Variants in SEPTIN9 observed in about 807,000 individuals in gnomAD.
The protein encoded by SEPTIN9 is septin-9.
SEPTIN9 carries 13 observed loss-of-function variants against 56.6 expected under a neutral mutation model. The ratio of observed to expected loss-of-function variants is 0.23; its 90% CI spans 0.15 to 0.37. The LOEUF (loss-of-function observed/expected upper bound fraction) is 0.37. Among genes scored for constraint, SEPTIN9 ranks in the 10% least tolerant of loss-of-function variants. The pLI is 1.00. For synonymous variants in SEPTIN9, 332 were observed against 334.1 expected (o/e 0.99, Z 0.07); for missense variants, 650 against 823.1 (o/e 0.79, Z 2.57).
rs1009162127 is a variant in SEPTIN9 at position 77,499,302 on chromosome 17, T to C, written c.*644T>C. On this transcript the variant is annotated 3_prime_UTR_variant, in exon 12 of 12. Coordinates refer to ENST00000427177, the MANE Select transcript of SEPTIN9 (RefSeq NM_001113491.2). Reference sequence around the variant, plus strand: ...GCAGAAAGTGCCTTTATCTCAGCCATCCGCAGACTGCTTGGCCAGATGCGG... The same window carrying C: ...GCAGAAAGTGCCTTTATCTCAGCCACCCGCAGACTGCTTGGCCAGATGCGG... 1.7e-6 allele frequency: 1 copy of C among 597,744 alleles called. No homozygotes were observed. Among genetic ancestry groups the C allele is most frequent in the Non-Finnish European group, 3.2e-6 (1 of 308,986 alleles). The allele number at this position is 597,744 out of a possible 1,614,324, so 37.0% of individuals were successfully genotyped here.
Position 77,437,350 on chromosome 17 carries a change from C to T in SEPTIN9, c.721+34647C>T, listed in dbSNP as rs1346489095. Among the ~76,000 whole-genome samples, 3 of 152,196 alleles carry T rather than the reference C, an allele frequency of 2.0e-5. No homozygotes were observed. The highest frequency in any genetic ancestry group is 2.9e-5 in the Non-Finnish European group (2 of 68,024). On this transcript the variant is annotated intron_variant, in intron 3 of 11. Coordinates refer to ENST00000427177, the MANE Select transcript of SEPTIN9 (RefSeq NM_001113491.2). The surrounding 1 kb of genome is among the most constrained non-coding windows in gnomAD (Gnocchi z 5.3). ...GACCCCTCCCTTCTACACCCCCACC[C>T]CACGCCCCCAGGAGCTCCCTATGGG...
intron 3 of SEPTIN9, among the ~76,000 whole-genome samples, chr17:77,426,720 A>C (rs1232309939): frequency 6.6e-6 from 1 of 152,190 alleles, no homozygotes; most frequent in African/African-American, 2.4e-5. Context: ...CAGCCCTCCC[A>C]TGCCTGTGGG....
intron 3 of SEPTIN9, among the ~76,000 whole-genome samples, chr17:77,430,638 A>C (rs1368638763): frequency 6.6e-6 from 1 of 152,168 alleles, no homozygotes; most frequent in African/African-American, 2.4e-5. Flanking sequence ...GCCGGCTGAC[A>C]GCTCACTGGA....
intron 2 of SEPTIN9, among the ~76,000 whole-genome samples, chr17:77,350,268 CT>C (rs1221916217): frequency 1.3e-5 from 2 of 152,240 alleles, no homozygotes; most frequent in East Asian, 1.9e-4. Flanking sequence ...GCCCTCCTTC[CT>C]GTGCAGCCCA....
chr17:77,285,349 T>G (rs1349000195), intron 1 of SEPTIN9, among the ~76,000 whole-genome samples: 3 of 152,154 alleles, frequency 2.0e-5, no homozygotes, highest in African/African-American at 7.2e-5. Context: ...GGGACTGAGG[T>G]TGCGTCACAC....
intron 1 of SEPTIN9, among the ~76,000 whole-genome samples, chr17:77,298,340 G>A (rs534972304): frequency 1.3e-5 from 2 of 152,358 alleles, no homozygotes; most frequent in South Asian, 2.1e-4. Flanking sequence ...CCAGGTCAAT[G>A]TAGTGAGAGC....
At chr17:77,350,398 A>G (rs1042645903) in intron 2 of SEPTIN9, among the ~76,000 whole-genome samples, 37 of 152,220 alleles carry the variant, frequency 2.4e-4, no homozygotes, top group African/African-American at 7.7e-4. Flanking sequence ...CTGGGGGGCT[A>G]CCAGTGGCAT....
rs2032866591 is a variant in SEPTIN9 at position 77,320,360 on chromosome 17, GC to G, written c.76+13168del. 2 of 1,610,344 alleles carry G rather than the reference GC, an allele frequency of 1.2e-6. No homozygotes were observed. The highest frequency in any genetic ancestry group is 1.3e-5 in the African/African-American group (1 of 74,874). On this transcript the variant is annotated intron_variant, in intron 2 of 11. Transcript: ENST00000427177. ...GGACCGGATCTCAGGTACGCAGACA[GC>G]CCCCTCCCCATCGGCCGCCCCCCAC...
intron 2 of SEPTIN9, among the ~76,000 whole-genome samples, chr17:77,390,706 C>G (rs1025547449): frequency 3.3e-5 from 5 of 152,156 alleles, no homozygotes; most frequent in African/African-American, 1.2e-4. Context: ...CCGCCTCTGC[C>G]TCCCAAAGTG....
At chr17:77,370,414 T>G (rs1378994847) in intron 2 of SEPTIN9, among the ~76,000 whole-genome samples, 1 of 152,226 alleles carries the variant, frequency 6.6e-6, no homozygotes, top group Admixed American at 6.5e-5. Flanking sequence ...GGACACAGCA[T>G]TGAATTTAGG....
intron 3 of SEPTIN9, among the ~76,000 whole-genome samples, chr17:77,457,287 T>G (rs918356562): frequency 3.3e-5 from 5 of 152,004 alleles, no homozygotes; most frequent in African/African-American, 1.2e-4. Flanking sequence ...AAGCTCCTGG[T>G]CATGCCTCAG....
At position 77,492,623 on chromosome 17, in the gene SEPTIN9, C is replaced by T. The variant is rs761569158; in HGVS notation, c.1383C>T (p.Ile461=). ...LEERVHFKQR[I]TADLLSNGID... is the part of the protein sequence containing the mutation. ...ATCTCTCTCCCTCCTTATCCCAGAT[C>T]ACCGCAGACCTGCTGTCCAACGGCA... is the stretch of plus-strand genomic sequence containing the variant. Residue 461 remains isoleucine (I), a splice_region_variant and synonymous_variant, in exon 9 of 12, where the codon ATC becomes ATT. Transcript: ENST00000427177. The surrounding 1 kb of genome is among the most constrained non-coding windows in gnomAD (Gnocchi z 5.4). 1.9e-5 allele frequency: 31 copies of T among 1,613,922 alleles called. 1 individual carries two copies. The Admixed American group carries it at 5.0e-4, about 26-fold the overall frequency.
intron 1 of SEPTIN9, among the ~76,000 whole-genome samples, chr17:77,302,579 G>A (rs1028509998): frequency 2.0e-5 from 3 of 152,198 alleles, no homozygotes; most frequent in Non-Finnish European, 4.4e-5. Context: ...GCAGGAGGTT[G>A]AGGCAGGAGA....
In SEPTIN9 at chr17:77,492,677, T is replaced by G. The variant is rs758827553; in HGVS notation, c.1437T>G (p.Asp479Glu). The change falls in exon 9 of 12, where the codon GAT (aspartate) becomes GAG (glutamate). Residue 479 changes from aspartate (D) to glutamate (E), a missense_variant. Physicochemically the swap from Asp to Glu is conservative, Grantham distance 45 (BLOSUM62 2). This residue lies in a region of SEPTIN9 where 333 missense variants were observed against 494.0 expected (regional missense o/e 0.67). Transcript: ENST00000427177. This position sits in a 1 kb window ranked among gnomAD's most constrained non-coding sequence, Gnocchi z 5.4. ...ACGTGTACCCCCAGAAGGAATTTGA[T>G]GAGGACTCGGAGGACCGGCTGGTGA... ...GIDVYPQKEFDEDSEDRLVNE... is the reference protein window; with the variant it reads ...GIDVYPQKEFEEDSEDRLVNE... The G allele has an allele frequency of 1.2e-6, 2 of 1,614,110 alleles. No individual in the cohort carries two copies. Among genetic ancestry groups the G allele is most frequent in the Non-Finnish European group, 1.7e-6 (2 of 1,180,022 alleles).
intron 3 of SEPTIN9, among the ~76,000 whole-genome samples, chr17:77,411,380 C>A (rs1007907385): frequency 6.7e-6 from 1 of 149,920 alleles, no homozygotes; most frequent in Non-Finnish European, 1.5e-5. Flanking sequence ...AGATGTAGCA[C>A]GTTCCTTTTT....
At position 77,475,679 on chromosome 17, in the gene SEPTIN9, C is replaced by T. The variant is rs200536790; in HGVS notation, c.722-6465C>T. On this transcript the variant is annotated intron_variant, in intron 3 of 11. Coordinates refer to ENST00000427177, the MANE Select transcript of SEPTIN9 (RefSeq NM_001113491.2). This position sits in a 1 kb window ranked among gnomAD's most constrained non-coding sequence, Gnocchi z 4.6. ...CAAAGTAAGGAGACTGCTGGGCCCA[C>T]GCTGGGCCGGGGTGGATGGAGGCAA... The T allele has an allele frequency of 2.4e-4, 388 of 1,613,582 alleles. 1 individual carries two copies. The highest frequency in any genetic ancestry group is 3.1e-4 in the Non-Finnish European group (366 of 1,179,850).
Position 77,445,695 on chromosome 17 carries a change from T to C in SEPTIN9, c.722-36449T>C. ...GTTCTGGGCTCTTCTCCCAGTTGGC[T>C]GAGTTGGAGGTGGGAGTCCCAACTG... is the stretch of plus-strand genomic sequence containing the variant. On this transcript the variant is annotated intron_variant, in intron 3 of 11. Transcript: ENST00000427177. The surrounding 1 kb of genome is among the most constrained non-coding windows in gnomAD (Gnocchi z 4.7). 3.1e-6 allele frequency: 1 copy of C among 322,430 alleles called. No individual in the cohort carries two copies. The highest frequency in any genetic ancestry group is 2.6e-5 in the South Asian group (1 of 38,462). The allele number at this position is 322,430 out of a possible 1,614,324, so 20.0% of individuals were successfully genotyped here. A position where few individuals can be genotyped will look rare whatever the true frequency, so the allele number is the denominator to read the frequency against.
At chr17:77,486,515 TGTGTGTGCGCGCAC>T (rs1423729853) in intron 4 of SEPTIN9, among the ~76,000 whole-genome samples, 1,638 of 103,624 alleles carry the variant, frequency 0.016, 33 homozygotes, top group African/African-American at 0.068. Context: ...TGTGTGTGTG[TGTGTGTGCGCGCAC>T]GCGCGCGCGT....
At chr17:77,498,469 G>GGCCCC in intron 11 of SEPTIN9, 54 bp from the exon 12 acceptor site, 1 of 732,982 alleles carries the variant, frequency 1.4e-6, no homozygotes, top group Non-Finnish European at 2.3e-6. Context: ...CTGCCCCGCT[G>GGCCCC]CCCCCACCCC....
Sources: allele counts gnomAD v4.1 joint callset (sites outside exome capture counted in the v4.1 genomes callset), GRCh38; gene constraint gnomAD v4.1.1; regional missense constraint gnomAD v4.1.1; non-coding constraint Gnocchi (gnomAD v3.1); transcripts MANE v1.5; gene names NCBI Gene and HGNC (gene_info 2026-07-23, HGNC 2026-07-21).